Variants in SLC9C2 observed in about 807,000 individuals in gnomAD.
The protein encoded by SLC9C2 is solute carrier family 9 member C2 (putative).
In SLC9C2, 75 loss-of-function variants were observed where a neutral mutation model predicts 140.2. The ratio of observed to expected loss-of-function variants is 0.53; its 90% CI spans 0.44 to 0.65. The LOEUF (loss-of-function observed/expected upper bound fraction) is 0.65, where lower values mean the gene tolerates loss of function less well. Ranked by LOEUF, SLC9C2 falls within the 30% of genes least tolerant of loss-of-function variation. The probability of loss-of-function intolerance (pLI) is 0.00; values close to 1 mark genes in which losing one functional copy is unlikely to be tolerated. For synonymous variants in SLC9C2, 375 were observed against 420.9 expected, an observed-to-expected ratio of 0.89 and a Z score of 1.34; for missense variants, 1,074 against 1,331.8, an observed-to-expected ratio of 0.81 and a Z score of 3.01.
In SLC9C2 at chr1:173,517,653, T is replaced by C; in HGVS notation, c.2791A>G (p.Arg931Gly). ...FGIESNQRCD[R>G]GSRDMFTEFC... ...TCTGTAAACATGTCTCTGGACCCTC[T>C]ATCACACCTTTGATTACTCTCTATT... The change falls in exon 23 of 28, where the codon AGA (arginine) becomes GGA (glycine). Residue 931 changes from arginine to glycine, a missense_variant. Transcript: ENST00000367714. 1 of 1,613,886 alleles carries C rather than the reference T, an allele frequency of 6.2e-7. No individual in the cohort carries two copies. The highest frequency in any genetic ancestry group is 8.5e-7 in the Non-Finnish European group (1 of 1,179,944).
chr1:173,581,954 C>T lies in SLC9C2; in HGVS notation c.695G>A (p.Gly232Glu). 6.2e-7 allele frequency: 1 copy of T among 1,602,530 alleles called. No homozygotes were observed. The change falls in exon 7 of 28, where the codon GGA (glycine) becomes GAA (glutamate). Residue 232 changes from glycine to glutamate, a missense_variant. By Grantham distance (98) the Gly-to-Glu change is moderately conservative. Coordinates refer to ENST00000367714, the MANE Select transcript of SLC9C2 (RefSeq NM_178527.4). ...CTGAATGATTTTTGCACACCAATAT[C>T]CAAATATTATGCTTCCCAAAATGTC... ...SYDILGSIIF[G>E]YWCAKIIQCI...
Position 173,566,415 on chromosome 1 carries a change from G to A in SLC9C2, c.1046+6767C>T, listed in dbSNP as rs544414883. The stretch of plus-strand genomic sequence containing the variant: ...CTTCATGATTTAGGTAGGGTAGGTG[G>A]TATGTGTCTAGGAATTTGTCCATTT... On this transcript the variant is annotated intron_variant, in intron 9 of 27. Transcript: ENST00000367714. Among the ~76,000 whole-genome samples the A allele has an allele frequency of 9.9e-5, 15 of 152,106 alleles. No homozygotes were observed. In the South Asian group the frequency reaches 1.9e-3, roughly 19 times the overall value.
At chr1:173,573,833 T>G (rs763441361) in intron 8 of SLC9C2, among the ~76,000 whole-genome samples, 12 of 152,224 alleles carry the variant, frequency 7.9e-5, no homozygotes, top group Non-Finnish European at 1.8e-4. Flanking sequence ...ACTGAATTCC[T>G]AAAAGTCTTG....
intron 12 of SLC9C2, among the ~76,000 whole-genome samples, chr1:173,548,150 C>T (rs879454197): frequency 1.2e-4 from 18 of 152,204 alleles, no homozygotes; most frequent in Non-Finnish European, 2.1e-4. Flanking sequence ...GGTACTCAAC[C>T]AGCCAGATTG....
intron 2 of SLC9C2, 140 bp from the exon 3 acceptor site, chr1:173,600,357 A>G: frequency 2.9e-6 from 1 of 342,620 alleles, no homozygotes. Context: ...TAACTTTGGG[A>G]TGGTGCAAAA....
chr1:173,595,474 C>T (rs1666394778), intron 4 of SLC9C2, among the ~76,000 whole-genome samples: 3 of 152,092 alleles, frequency 2.0e-5, no homozygotes, highest in African/African-American at 7.2e-5. Context: ...AAACTATCTT[C>T]TTAGGGTACC....
chr1:173,530,450 A>C (rs1661502135), intron 17 of SLC9C2, among the ~76,000 whole-genome samples: 1 of 152,190 alleles, frequency 6.6e-6, no homozygotes, highest in Non-Finnish European at 1.5e-5. Context: ...CACTGAACAA[A>C]TCGTCTCTCT....
chr1:173,554,127 T>C (rs530924597), intron 11 of SLC9C2, among the ~76,000 whole-genome samples: 1 of 152,248 alleles, frequency 6.6e-6, no homozygotes, highest in African/African-American at 2.4e-5. Context: ...TCTCCCAACA[T>C]CCATTCTCTT....
intron 9 of SLC9C2, among the ~76,000 whole-genome samples, chr1:173,567,196 T>C (rs965500324): frequency 2.6e-5 from 4 of 152,098 alleles, no homozygotes; most frequent in African/African-American, 9.7e-5. Context: ...TGTTCCATGG[T>C]GCAAATTAAG....
intron 2 of SLC9C2, 93 bp downstream of exon 2, chr1:173,601,557 C>T (rs1666785684): frequency 2.8e-6 from 4 of 1,423,896 alleles, no homozygotes; most frequent in Non-Finnish European, 3.8e-6. Flanking sequence ...CAATGGGCCC[C>T]TTCTTTTGAT....
At chr1:173,582,886 C>T (rs961082763) in intron 6 of SLC9C2, among the ~76,000 whole-genome samples, 1 of 152,206 alleles carries the variant, frequency 6.6e-6, no homozygotes, top group African/African-American at 2.4e-5. Context: ...CACTCAGTCA[C>T]TGAGATCCAG....
At chr1:173,506,761 G>T in intron 25 of SLC9C2, 95 bp downstream of exon 25, 2 of 1,018,544 alleles carry the variant, frequency 2.0e-6, no homozygotes, top group Non-Finnish European at 2.9e-6. Flanking sequence ...GGTCATTCCA[G>T]GTTAAATTTC....
At chr1:173,558,486 T>G (rs1405951787) in intron 9 of SLC9C2, among the ~76,000 whole-genome samples, 1 of 152,226 alleles carries the variant, frequency 6.6e-6, no homozygotes, top group Non-Finnish European at 1.5e-5. Context: ...AAATCTAGCC[T>G]TGCCTTTTAC....
intron 10 of SLC9C2, among the ~76,000 whole-genome samples, chr1:173,555,648 T>C (rs1285305705): frequency 6.6e-6 from 1 of 152,180 alleles, no homozygotes; most frequent in Non-Finnish European, 1.5e-5. Context: ...TAAAAGAGAA[T>C]CGGAGGAGCT....
chr1:173,519,036 T>C (rs12077267), intron 22 of SLC9C2, among the ~76,000 whole-genome samples: 7,789 of 152,082 alleles, frequency 0.051, 671 homozygotes, highest in African/African-American at 0.18. Flanking sequence ...TTAAGGCTAC[T>C]AATCAGCTGA....
chr1:173,503,206 G>T, intron 27 of SLC9C2, 60 bp downstream of exon 27: 3 of 1,431,908 alleles, frequency 2.1e-6, no homozygotes, highest in Non-Finnish European at 1.9e-6. Context: ...ATTTATTTTA[G>T]CTGTATAGTT....
intron 3 of SLC9C2, among the ~76,000 whole-genome samples, chr1:173,599,415 C>G (rs1666643939): frequency 8.8e-6 from 1 of 113,210 alleles, no homozygotes; most frequent in Admixed American, 1.3e-4. Flanking sequence ...TGCTCTGTCG[C>G]CCAGGCCGGA....
intron 4 of SLC9C2, among the ~76,000 whole-genome samples, chr1:173,588,993 G>A (rs114521496): frequency 0.012 from 1,758 of 152,248 alleles, 45 homozygotes; most frequent in African/African-American, 0.041. Context: ...TGGGAGGATT[G>A]CTTAAGCACA....
rs61579339 is a variant in SLC9C2, at chr1:173,599,362, A to ATTTTTTTTTTTTTTTTTT, written c.228+737_228+754dup. On this transcript the variant is annotated intron_variant, in intron 3 of 27. Coordinates refer to ENST00000367714, the MANE Select transcript of SLC9C2 (RefSeq NM_178527.4). ...CAAGAGCGCAAACACATTTTCCTTG[A>ATTTTTTTTTTTTTTTTTT]TTTTTTTTTTTTTTTTTTTTTTTTT... 2.1e-4 allele frequency among the ~76,000 whole-genome samples: 14 copies of ATTTTTTTTTTTTTTTTTT among 68,124 alleles called. 3 individuals carry two copies. Among genetic ancestry groups the ATTTTTTTTTTTTTTTTTT allele is most frequent in the African/African-American group, 5.7e-4 (12 of 21,142 alleles). The allele number at this position is 68,124 out of a possible 152,430, so 44.7% of individuals were successfully genotyped here. A position where few individuals can be genotyped will look rare whatever the true frequency, so the allele number is the denominator to read the frequency against.
Sources: allele counts gnomAD v4.1 joint callset (sites outside exome capture counted in the v4.1 genomes callset), GRCh38; gene constraint gnomAD v4.1.1; transcripts MANE v1.5; gene names NCBI Gene and HGNC (gene_info 2026-07-23, HGNC 2026-07-21).